The following OXR1 variants were observed in gnomAD, a reference collection of about 807,000 sequenced individuals.
The protein encoded by OXR1 is oxidation resistance 1.
A neutral mutation model predicts 104.6 loss-of-function variants in OXR1; 41 were observed. The ratio of observed to expected loss-of-function variants is 0.39; its 90% CI spans 0.31 to 0.51. The LOEUF is 0.51. OXR1 is among the 20% of genes least tolerant of loss of function. OXR1 has a pLI of 0.77. For synonymous variants in OXR1, 348 were observed against 348.4 expected, an observed-to-expected ratio of 1.00 and a Z score of 0.01; for missense variants, 955 against 1,031.9, an observed-to-expected ratio of 0.93 and a Z score of 1.02.
chr8:106,447,984 C>T, intron 2 of OXR1: 1 of 1,534,208 alleles, frequency 6.5e-7, no homozygotes, highest in Non-Finnish European at 8.7e-7. Flanking sequence ...CGCCCCGGCT[C>T]CCACACAGCT....
chr8:106,466,199 G>A (rs1821161772), intron 2 of OXR1, among the ~76,000 whole-genome samples: 1 of 151,858 alleles, frequency 6.6e-6, no homozygotes, highest in Non-Finnish European at 1.5e-5. Flanking sequence ...TCTTACTTTA[G>A]ATGATTTCTG....
At chr8:106,749,534 C>T (rs1835698560) in intron 16 of OXR1, among the ~76,000 whole-genome samples, 1 of 152,080 alleles carries the variant, frequency 6.6e-6, no homozygotes, top group African/African-American at 2.4e-5. Context: ...ACAAACTCTA[C>T]CCCAGAGAGG....
At chr8:106,368,585 G>T (rs1401082419) in intron 2 of OXR1, among the ~76,000 whole-genome samples, 1 of 151,180 alleles carries the variant, frequency 6.6e-6, no homozygotes, top group Non-Finnish European at 1.5e-5. Context: ...GATGTGTGTT[G>T]TTTCCCTCTC....
At chr8:106,495,894 A>G (rs78676623) in intron 2 of OXR1, among the ~76,000 whole-genome samples, 1,891 of 152,334 alleles carry the variant, frequency 0.012, 30 homozygotes, top group East Asian at 0.079. Flanking sequence ...TAACCTTCAT[A>G]TAGTGATGAG....
chr8:106,581,187 G>A, intron 3 of OXR1: 1 of 1,283,094 alleles, frequency 7.8e-7, no homozygotes, highest in Non-Finnish European at 1.0e-6. Context: ...AAGAGAACTT[G>A]ACAAACCACT....
At chr8:106,738,894 G>T (rs988306505) in intron 12 of OXR1, among the ~76,000 whole-genome samples, 3 of 151,814 alleles carry the variant, frequency 2.0e-5, no homozygotes, top group Non-Finnish European at 4.4e-5. Flanking sequence ...GTTATAAAAA[G>T]AAAGCATTTA....
Position 106,392,763 on chromosome 8 carries a change from G to C in OXR1, c.23+33127G>C, listed in dbSNP as rs1817634988. 5.3e-5 allele frequency among the ~76,000 whole-genome samples: 8 copies of C among 152,210 alleles called. 1 individual carries two copies. The South Asian group carries it at 1.7e-3, about 32-fold the overall frequency. On this transcript the variant is annotated intron_variant, in intron 2 of 16. Coordinates refer to ENST00000517566, the MANE Select transcript of OXR1 (RefSeq NM_001198533.2). ...ATGTCATAGACAATAATATCTAAAA[G>C]ACAGGGAGCAAATAGGAAAGTAATT...
rs898478506 is a variant in OXR1 at position 106,599,968 on chromosome 8, A to C, written c.221-79242A>C. Among the ~76,000 whole-genome samples the C allele has an allele frequency of 2.0e-5, 3 of 152,280 alleles. No homozygotes were observed. In the East Asian group the frequency reaches 5.8e-4, roughly 29 times the overall value. On this transcript the variant is annotated intron_variant, in intron 3 of 16. Transcript: ENST00000517566. ...CAGTTTATATAGGGTTGATGCTTCT[A>C]TGAAGATCTAATGCTGCCGGTGATC... is the stretch of plus-strand genomic sequence containing the variant.
At chr8:106,725,778 T>A (rs886540020) in intron 11 of OXR1, among the ~76,000 whole-genome samples, 5 of 152,216 alleles carry the variant, frequency 3.3e-5, no homozygotes, top group African/African-American at 1.2e-4. Context: ...TATAGTACTG[T>A]TAGCTGTAAG....
chr8:106,662,537 A>G (rs533796237), intron 3 of OXR1, among the ~76,000 whole-genome samples: 2 of 152,298 alleles, frequency 1.3e-5, no homozygotes, highest in African/African-American at 4.8e-5. Flanking sequence ...AATAATAATT[A>G]TAATAGACAA....
At chr8:106,740,621 C>A in intron 14 of OXR1, 126 bp downstream of exon 14, 1 of 751,846 alleles carries the variant, frequency 1.3e-6, no homozygotes, top group Non-Finnish European at 2.2e-6. Context: ...TTACTGGGTA[C>A]TTTTAATATG....
chr8:106,740,244 C>G, intron 13 of OXR1, 99 bp from the exon 14 acceptor site: 2 of 746,708 alleles, frequency 2.7e-6, no homozygotes, highest in East Asian at 2.8e-5. Flanking sequence ...ATTTTTATAG[C>G]CTATATTATA....
At chr8:106,489,171 A>C (rs1374204562) in intron 2 of OXR1, among the ~76,000 whole-genome samples, 1 of 149,982 alleles carries the variant, frequency 6.7e-6, no homozygotes, top group Non-Finnish European at 1.5e-5. Context: ...TAGGTATTTT[A>C]TTCTCTTTGA....
At chr8:106,506,349 C>G (rs983958125) in intron 2 of OXR1, among the ~76,000 whole-genome samples, 2 of 152,184 alleles carry the variant, frequency 1.3e-5, no homozygotes, top group East Asian at 3.8e-4. Flanking sequence ...CGCGGTGGCT[C>G]ACGCCTGTAA....
At chr8:106,423,593 C>A (rs1300809581) in intron 2 of OXR1, among the ~76,000 whole-genome samples, 3 of 152,146 alleles carry the variant, frequency 2.0e-5, no homozygotes, top group African/African-American at 7.2e-5. Flanking sequence ...TGTGCCAGAA[C>A]AGTTGTTTAC....
intron 2 of OXR1, among the ~76,000 whole-genome samples, chr8:106,488,589 T>C (rs1452111077): frequency 4.6e-5 from 7 of 151,746 alleles, no homozygotes; most frequent in South Asian, 4.2e-4. Context: ...CCATCTTGAA[T>C]TGATTTTTGT....
At chr8:106,712,555 C>A (rs761312277) in intron 10 of OXR1, among the ~76,000 whole-genome samples, 1 of 152,148 alleles carries the variant, frequency 6.6e-6, no homozygotes, top group African/African-American at 2.4e-5. Context: ...ATTGGAGATA[C>A]GCGAATTGAT....
chr8:106,749,177 C>T (rs954855501), intron 16 of OXR1, among the ~76,000 whole-genome samples: 1 of 151,630 alleles, frequency 6.6e-6, no homozygotes, highest in Non-Finnish European at 1.5e-5. Context: ...CCCATCTCTA[C>T]TAAAAAACAG....
intron 3 of OXR1, among the ~76,000 whole-genome samples, chr8:106,594,398 T>A (rs563413825): frequency 6.6e-6 from 1 of 152,278 alleles, no homozygotes; most frequent in Admixed American, 6.5e-5. Flanking sequence ...GTATAAGTGG[T>A]CCTAAAACCA....
Sources: gnomAD v4.1 joint callset for allele counts (sites outside exome capture counted in the v4.1 genomes callset) on GRCh38, gnomAD v4.1.1 for gene constraint, MANE v1.5 for transcripts, NCBI Gene and HGNC (gene_info 2026-07-23, HGNC 2026-07-21) for gene names.